SLC44A1: variants seen among roughly 807,000 people sequenced by gnomAD.
The protein encoded by SLC44A1 is solute carrier family 44 member 1.
In SLC44A1, 26 loss-of-function variants were observed where a neutral mutation model predicts 79.3. The observed-to-expected ratio is 0.33, with a 90% confidence interval of 0.24 to 0.46. SLC44A1 has a LOEUF of 0.46. Ranked by LOEUF, SLC44A1 falls within the 20% of genes least tolerant of loss-of-function variation. The pLI, the probability that SLC44A1 is intolerant of heterozygous loss-of-function variation, is 1.00. For synonymous variants in SLC44A1, 263 were observed against 286.2 expected, an observed-to-expected ratio of 0.92 and a Z score of 0.82; for missense variants, 688 against 798.1, an observed-to-expected ratio of 0.86 and a Z score of 1.66.
In SLC44A1 at chr9:105,389,014, G is replaced by A; in HGVS notation, c.1951-19G>A. ...TGGTAATTGTCTAAGATTATACTCT[G>A]TATGACTTTGTTTTCTAGGCTTCGG... On this transcript the variant is annotated intron_variant, in intron 15 of 15. Coordinates refer to ENST00000374720, the MANE Select transcript of SLC44A1 (RefSeq NM_080546.5). 6.2e-7 allele frequency: 1 copy of A among 1,600,422 alleles called. No homozygotes were observed. Among genetic ancestry groups the A allele is most frequent in the South Asian group, 1.1e-5 (1 of 90,706 alleles).
chr9:105,395,503 GC>G lies in SLC44A1; in HGVS notation c.*6449del. On this transcript the variant is annotated 3_prime_UTR_variant, in exon 16 of 16. Transcript: ENST00000374720. The stretch of plus-strand genomic sequence containing the variant: ...CAAAGTGCTGGGATTACAGGCATGA[GC>G]CACCGCGCCCGGCCTAGAAGAGTTT... The G allele has an allele frequency of 1.0e-6, 1 of 983,442 alleles. No individual in the cohort carries two copies. 60.9% of individuals were successfully genotyped at this position (983,442 alleles called of 1,614,324 possible).
In SLC44A1 at chr9:105,389,436, C is replaced by A; in HGVS notation, c.*380C>A. 1 of 1,031,056 alleles carries A rather than the reference C, an allele frequency of 9.7e-7. No individual in the cohort carries two copies. Among genetic ancestry groups the A allele is most frequent in the Non-Finnish European group, 1.2e-6 (1 of 857,964 alleles). 63.9% of individuals were successfully genotyped at this position (1,031,056 alleles called of 1,614,324 possible). On this transcript the variant is annotated 3_prime_UTR_variant, in exon 16 of 16. Coordinates refer to ENST00000374720, the MANE Select transcript of SLC44A1 (RefSeq NM_080546.5). Reference sequence around the variant, plus strand: ...GTAAAATTATTGTACCTAATTATGTCTAAAGTTTATTCAGGGGTAATTTCC... The same window carrying A: ...GTAAAATTATTGTACCTAATTATGTATAAAGTTTATTCAGGGGTAATTTCC...
intron 1 of SLC44A1, among the ~76,000 whole-genome samples, chr9:105,295,418 A>T (rs887324234): frequency 1.3e-5 from 2 of 152,244 alleles, no homozygotes; most frequent in East Asian, 3.8e-4. Flanking sequence ...GTAAAATCAC[A>T]TTTAAAAAGT....
intron 1 of SLC44A1, among the ~76,000 whole-genome samples, chr9:105,263,597 C>T (rs982387168): frequency 1.4e-5 from 2 of 147,896 alleles, no homozygotes; most frequent in Admixed American, 6.8e-5. Context: ...AGTGCAATGG[C>T]GCGATCTTGG....
chr9:105,376,608 A>G (rs951202750), intron 13 of SLC44A1, among the ~76,000 whole-genome samples: 1 of 152,154 alleles, frequency 6.6e-6, no homozygotes, highest in Non-Finnish European at 1.5e-5. Context: ...TCCCGACCTC[A>G]GGTGATCTGC....
At chr9:105,247,780 A>G (rs1050089885) in intron 1 of SLC44A1, among the ~76,000 whole-genome samples, 2 of 152,230 alleles carry the variant, frequency 1.3e-5, no homozygotes, top group African/African-American at 2.4e-5. Context: ...GTAGACATAT[A>G]TTTGAACCTC....
chr9:105,292,332 C>A (rs966007951), intron 1 of SLC44A1, among the ~76,000 whole-genome samples: 2 of 152,154 alleles, frequency 1.3e-5, no homozygotes, highest in Non-Finnish European at 2.9e-5. Flanking sequence ...TAACCCTACA[C>A]AATAAGTGTC....
intron 15 of SLC44A1, among the ~76,000 whole-genome samples, chr9:105,413,750 C>A (rs908596543): frequency 6.6e-6 from 1 of 152,190 alleles, no homozygotes; most frequent in Non-Finnish European, 1.5e-5. Context: ...GAGTCACTGG[C>A]TTTTCCTGCC....
chr9:105,392,675 C>CT lies in SLC44A1; in HGVS notation c.*3620dup. 1.0e-6 allele frequency: 1 copy of CT among 982,352 alleles called. No individual in the cohort carries two copies. The highest frequency in any genetic ancestry group is 1.2e-6 in the Non-Finnish European group (1 of 829,798). The allele number at this position is 982,352 out of a possible 1,614,324, so 60.9% of individuals were successfully genotyped here. A position where few individuals can be genotyped will look rare whatever the true frequency, so the allele number is the denominator to read the frequency against. On this transcript the variant is annotated 3_prime_UTR_variant, in exon 16 of 16. Coordinates refer to ENST00000374720, the MANE Select transcript of SLC44A1 (RefSeq NM_080546.5). Reference sequence around the variant, plus strand: ...TATGTGTGAGGCCACATCACTGCCCCTGAGGCTTCAACTATTTCCACCATG... The same window carrying CT: ...TATGTGTGAGGCCACATCACTGCCCCTTGAGGCTTCAACTATTTCCACCATG...
chr9:105,332,190 G>T (rs1298445201), intron 3 of SLC44A1, among the ~76,000 whole-genome samples: 1 of 149,866 alleles, frequency 6.7e-6, no homozygotes. Flanking sequence ...TGCGACCTCG[G>T]CTCACTGCAA....
chr9:105,295,064 A>G (rs1314560640), intron 1 of SLC44A1, among the ~76,000 whole-genome samples: 1 of 152,034 alleles, frequency 6.6e-6, no homozygotes, highest in African/African-American at 2.4e-5. Context: ...CCTGTCTTAC[A>G]GTTCCTGTTT....
intron 1 of SLC44A1, among the ~76,000 whole-genome samples, chr9:105,298,750 A>T (rs1381409789): frequency 2.6e-5 from 4 of 152,172 alleles, no homozygotes. Flanking sequence ...TGGACACACA[A>T]AGAAAAAGCT....
At position 105,396,481 on chromosome 9, in the gene SLC44A1, TTAGAATAGAGCTCC is replaced by T; in HGVS notation, c.*7433_*7446del. 4 of 985,402 alleles carry T rather than the reference TTAGAATAGAGCTCC, an allele frequency of 4.1e-6. No homozygotes were observed. Among genetic ancestry groups the T allele is most frequent in the Non-Finnish European group, 4.8e-6 (4 of 829,930 alleles). 61.0% of individuals were successfully genotyped at this position (985,402 alleles called of 1,614,324 possible). ...CACAGCCTTTCTGAACTCCTTGAGT[TTAGAATAGAGCTCC>T]TAGAATAATAAGGCGGCCAAATTTA... On this transcript the variant is annotated 3_prime_UTR_variant, in exon 16 of 16. Transcript: ENST00000374720.
chr9:105,271,926 T>TA (rs1370665210), intron 1 of SLC44A1, among the ~76,000 whole-genome samples: 1 of 152,208 alleles, frequency 6.6e-6, no homozygotes. Flanking sequence ...ATTGTGATCT[T>TA]AAATGCTAGT....
intron 1 of SLC44A1, among the ~76,000 whole-genome samples, chr9:105,273,055 G>T (rs328017): frequency 2.0e-5 from 3 of 151,464 alleles, no homozygotes; most frequent in Admixed American, 6.6e-5. Flanking sequence ...GTAGTGGCGC[G>T]ATCTTGGCTC....
At position 105,396,113 on chromosome 9, in the gene SLC44A1, T is replaced by C; in HGVS notation, c.*7057T>C. The C allele has an allele frequency of 1.0e-6, 1 of 985,382 alleles. No homozygotes were observed. The highest frequency in any genetic ancestry group is 1.2e-6 in the Non-Finnish European group (1 of 829,936). 61.0% of individuals were successfully genotyped at this position (985,382 alleles called of 1,614,324 possible). A position where few individuals can be genotyped will look rare whatever the true frequency, so the allele number is the denominator to read the frequency against. ...GATGATCACATGGGGACAGTTAACTTTTCTTCTGCTGTGTTGCCTTAATGC... is the reference window on the plus strand; with the variant it reads ...GATGATCACATGGGGACAGTTAACTCTTCTTCTGCTGTGTTGCCTTAATGC... On this transcript the variant is annotated 3_prime_UTR_variant, in exon 16 of 16. Coordinates refer to ENST00000374720, the MANE Select transcript of SLC44A1 (RefSeq NM_080546.5).
chr9:105,351,643 AAAGAAAG>A, intron 5 of SLC44A1, among the ~76,000 whole-genome samples: 4 of 142,654 alleles, frequency 2.8e-5, no homozygotes, highest in African/African-American at 1.1e-4. Flanking sequence ...AGAAAGAAAG[AAAGAAAG>A]AAAGAAAGAA....
intron 13 of SLC44A1, 129 bp from the exon 14 acceptor site, chr9:105,382,994 C>T: frequency 1.5e-6 from 1 of 649,536 alleles, no homozygotes; most frequent in East Asian, 2.6e-5. Context: ...TATATTTCCT[C>T]ATTTGAGATG....
rs570412178 is a variant in SLC44A1 at position 105,337,707 on chromosome 9, G to A, written c.406+2008G>A. Among the ~76,000 whole-genome samples the A allele has an allele frequency of 2.0e-5, 3 of 152,288 alleles. No individual in the cohort carries two copies. In the East Asian group the frequency reaches 5.8e-4, roughly 29 times the overall value. On this transcript the variant is annotated intron_variant, in intron 4 of 15. Coordinates refer to ENST00000374720, the MANE Select transcript of SLC44A1 (RefSeq NM_080546.5). The stretch of plus-strand genomic sequence containing the variant: ...AATATATCTTCTCAAAAAACCCACT[G>A]GATGTGAGTCTTGGTCCCTTGAACC...
Sources: allele counts gnomAD v4.1 joint callset (sites outside exome capture counted in the v4.1 genomes callset), GRCh38; gene constraint gnomAD v4.1.1; transcripts MANE v1.5; gene names NCBI Gene and HGNC (gene_info 2026-07-23, HGNC 2026-07-21).